The following TCERG1L variants were observed in gnomAD, a reference collection of about 807,000 sequenced individuals.
The protein encoded by TCERG1L is transcription elongation regulator 1-like protein.
Under a neutral mutation model 56.3 loss-of-function variants are expected in TCERG1L, and 37 were observed. The observed-to-expected ratio is 0.66, with a 90% confidence interval of 0.51 to 0.87. The LOEUF is 0.87. Ranked by LOEUF, TCERG1L falls within the 40% of genes least tolerant of loss-of-function variation. The pLI is 0.00. For missense variants in TCERG1L, 799 were observed against 774.2 expected (o/e 1.03, Z -0.38); for synonymous variants, 324 against 326.3 (o/e 0.99, Z 0.08).
intron 4 of TCERG1L, among the ~76,000 whole-genome samples, chr10:131,195,168 T>A (rs1469980773): frequency 6.6e-6 from 1 of 152,190 alleles, no homozygotes; most frequent in Non-Finnish European, 1.5e-5. Context: ...CATACTTTGA[T>A]AAGAAATGGA....
chr10:131,159,467 C>T (rs1420130513), intron 6 of TCERG1L, among the ~76,000 whole-genome samples: 1 of 152,124 alleles, frequency 6.6e-6, no homozygotes, highest in Non-Finnish European at 1.5e-5. Context: ...GAGACATTCT[C>T]TGTCTGGGCA....
chr10:131,270,413 AACAGTGAGATAAG>A (rs1294613334), intron 3 of TCERG1L, among the ~76,000 whole-genome samples: 1 of 152,248 alleles, frequency 6.6e-6, no homozygotes, highest in Non-Finnish European at 1.5e-5. Context: ...TGAGTAAATA[AACAGTGAGATAAG>A]ACAGGTCCAG....
chr10:131,141,086 C>T (rs529577287), intron 7 of TCERG1L, among the ~76,000 whole-genome samples: 7 of 152,322 alleles, frequency 4.6e-5, no homozygotes, highest in East Asian at 3.9e-4. Flanking sequence ...GGACCTGACA[C>T]GGCCACTTTG....
rs748965053 is a variant in TCERG1L, at chr10:131,104,216, C to T, written c.1485+49G>A. 4.0e-5 allele frequency: 52 copies of T among 1,297,828 alleles called. No individual in the cohort carries two copies. In the Middle Eastern group the frequency reaches 7.3e-4, roughly 18 times the overall value. The allele number at this position is 1,297,828 out of a possible 1,614,324, so 80.4% of individuals were successfully genotyped here. ...CTCCCCAGATCCAGGATGCAACAGT[C>T]GCTTTCATGCCATGTCTCTGCAGTC... On this transcript the variant is annotated intron_variant, in intron 10 of 11. Coordinates refer to ENST00000368642, the MANE Select transcript of TCERG1L (RefSeq NM_174937.4).
chr10:131,190,420 TATGA>T (rs1440021199), intron 4 of TCERG1L, among the ~76,000 whole-genome samples: 3 of 146,136 alleles, frequency 2.1e-5, no homozygotes, highest in Non-Finnish European at 3.0e-5. Context: ...TAAATCATTC[TATGA>T]AGCTAGTATC....
intron 8 of TCERG1L, among the ~76,000 whole-genome samples, chr10:131,133,503 G>A (rs529877424): frequency 1.6e-3 from 239 of 152,172 alleles, no homozygotes; most frequent in Middle Eastern, 6.8e-3. Context: ...GAACGTCCAG[G>A]CATCATGGGA....
At chr10:131,119,664 A>T (rs1205809193) in intron 8 of TCERG1L, among the ~76,000 whole-genome samples, 1 of 152,234 alleles carries the variant, frequency 6.6e-6, no homozygotes, top group African/African-American at 2.4e-5. Flanking sequence ...ATCGGTCAAA[A>T]GCAAATGCAA....
chr10:131,248,283 ACAC>A (rs1564825385), intron 4 of TCERG1L, among the ~76,000 whole-genome samples: 3 of 518 alleles, frequency 5.8e-3, no homozygotes, highest in African/African-American at 8.2e-3. Flanking sequence ...CCCACAGGAC[ACAC>A]ACACACACAC....
chr10:131,266,205 T>C (rs527397645), intron 3 of TCERG1L, among the ~76,000 whole-genome samples: 145 of 152,356 alleles, frequency 9.5e-4, no homozygotes, highest in African/African-American at 3.3e-3. Flanking sequence ...CAGTCACATC[T>C]TCAAGCTCCA....
At chr10:131,135,406 T>G (rs991235662) in intron 7 of TCERG1L, among the ~76,000 whole-genome samples, 2 of 152,154 alleles carry the variant, frequency 1.3e-5, no homozygotes, top group Non-Finnish European at 2.9e-5. Flanking sequence ...GAGCCCAGAG[T>G]TGATGAGAAA....
chr10:131,147,987 C>T (rs1845818141), intron 6 of TCERG1L, among the ~76,000 whole-genome samples: 1 of 152,250 alleles, frequency 6.6e-6, no homozygotes. Context: ...ATGTTGGCAA[C>T]CCTGGGCAGA....
intron 4 of TCERG1L, among the ~76,000 whole-genome samples, chr10:131,229,830 A>C (rs1845830233): frequency 6.6e-6 from 1 of 150,990 alleles, no homozygotes; most frequent in African/African-American, 2.5e-5. Context: ...TAACCTTAAT[A>C]AAATTTAAAG....
Position 131,309,224 on chromosome 10 carries a change from G to A in TCERG1L, c.418C>T (p.His140Tyr), listed in dbSNP as rs770909970. ...GTTGCAAGAGCAGAAGGGCAGAGAT[G>A]TGGGAAGACGGGCACCAGCTCCACT... ...STVELVPVFP[H>Y]LCPSALATPI... is the part of the protein sequence containing the mutation. The change falls in exon 2 of 12, where the codon CAT (histidine) becomes TAT (tyrosine). Residue 140 changes from histidine to tyrosine, a missense_variant. Transcript: ENST00000368642. 48 of 1,608,564 alleles carry A rather than the reference G, an allele frequency of 3.0e-5. No individual in the cohort carries two copies. Among genetic ancestry groups the A allele is most frequent in the Non-Finnish European group, 4.0e-5 (47 of 1,178,268 alleles).
chr10:131,287,005 T>C (rs1302493558), intron 3 of TCERG1L, among the ~76,000 whole-genome samples: 1 of 152,252 alleles, frequency 6.6e-6, no homozygotes, highest in Non-Finnish European at 1.5e-5. Context: ...AACTTTTACA[T>C]AATTACATGC....
At chr10:131,212,980 T>C (rs1235238455) in intron 4 of TCERG1L, among the ~76,000 whole-genome samples, 2 of 152,194 alleles carry the variant, frequency 1.3e-5, no homozygotes, top group East Asian at 3.9e-4. Context: ...TGCACAAGCA[T>C]ATTGAATCTG....
Position 131,311,716 on chromosome 10 carries a change from G to C in TCERG1L, c.-81C>G. On this transcript the variant is annotated 5_prime_UTR_variant, in exon 1 of 12. Coordinates refer to ENST00000368642, the MANE Select transcript of TCERG1L (RefSeq NM_174937.4). The surrounding 1 kb of genome is among the most constrained non-coding windows in gnomAD (Gnocchi z 4.0). Reference sequence around the variant, plus strand: ...GCCGGCGGCGGCGCGGCTCCGGAGCGAACTCACTTGGCTCCGCGGCGCGGC... The same window carrying C: ...GCCGGCGGCGGCGCGGCTCCGGAGCCAACTCACTTGGCTCCGCGGCGCGGC... The C allele has an allele frequency of 1.5e-6, 1 of 672,966 alleles. No individual in the cohort carries two copies. Among genetic ancestry groups the C allele is most frequent in the Non-Finnish European group, 1.9e-6 (1 of 526,492 alleles). 41.7% of individuals were successfully genotyped at this position (672,966 alleles called of 1,614,324 possible). A position where few individuals can be genotyped will look rare whatever the true frequency, so the allele number is the denominator to read the frequency against.
intron 4 of TCERG1L, among the ~76,000 whole-genome samples, chr10:131,224,072 T>C (rs1845764737): frequency 6.6e-6 from 1 of 152,098 alleles, no homozygotes; most frequent in Non-Finnish European, 1.5e-5. Context: ...GGGCCTGAAT[T>C]CCAGTCGATT....
intron 4 of TCERG1L, among the ~76,000 whole-genome samples, chr10:131,196,871 G>C (rs1476551641): frequency 2.0e-5 from 3 of 152,224 alleles, no homozygotes; most frequent in Non-Finnish European, 2.9e-5. Context: ...GTTGATCTCA[G>C]CTCTACTAAG....
At chr10:131,180,935 C>A (rs533403545) in intron 4 of TCERG1L, among the ~76,000 whole-genome samples, 1 of 152,132 alleles carries the variant, frequency 6.6e-6, no homozygotes, top group South Asian at 2.1e-4. Context: ...TTATTAGCGA[C>A]GTCTATCACC....
Sources: allele counts gnomAD v4.1 joint callset (sites outside exome capture counted in the v4.1 genomes callset), GRCh38; gene constraint gnomAD v4.1.1; non-coding constraint Gnocchi (gnomAD v3.1); transcripts MANE v1.5; gene names NCBI Gene and HGNC (gene_info 2026-07-23, HGNC 2026-07-21).